WDPCP: variants seen among roughly 807,000 people sequenced by gnomAD.
WDPCP encodes WD repeat-containing and planar cell polarity effector protein fritz homolog.
WDPCP carries 71 observed loss-of-function variants against 93.1 expected under a neutral mutation model. That is an observed-to-expected ratio of 0.76 (90% CI 0.63 to 0.93). The LOEUF (loss-of-function observed/expected upper bound fraction) is 0.93, where lower values mean the gene tolerates loss of function less well. WDPCP is among the 40% of genes least tolerant of loss of function. WDPCP has a pLI of 0.00. For missense variants in WDPCP, 844 were observed against 887.4 expected (o/e 0.95, Z 0.62); for synonymous variants, 315 against 315.0 (o/e 1.00, Z 0.00).
intron 2 of WDPCP, among the ~76,000 whole-genome samples, chr2:63,782,035 T>C (rs1334896279): frequency 2.0e-5 from 3 of 152,146 alleles, no homozygotes; most frequent in East Asian, 3.9e-4. Context: ...CTCTTTTCAG[T>C]GTTCATCCTT....
At chr2:63,537,888 C>A (rs1218797610) in intron 1 of WDPCP, among the ~76,000 whole-genome samples, 1 of 152,156 alleles carries the variant, frequency 6.6e-6, no homozygotes, top group Admixed American at 6.5e-5. Flanking sequence ...TACCCAGGTT[C>A]TTAAACATAG....
chr2:63,600,492 A>G (rs1422102505), intron 3 of WDPCP, among the ~76,000 whole-genome samples: 1 of 152,228 alleles, frequency 6.6e-6, no homozygotes, highest in Non-Finnish European at 1.5e-5. Flanking sequence ...GATTTTGAGA[A>G]AGTATATTCA....
intron 10 of WDPCP, among the ~76,000 whole-genome samples, chr2:63,402,972 T>C (rs569554924): frequency 1.3e-5 from 2 of 152,324 alleles, no homozygotes; most frequent in African/African-American, 2.4e-5. Flanking sequence ...TAAAGATACA[T>C]GCACACAAAT....
At chr2:63,167,251 A>G (rs950237934) in intron 15 of WDPCP, among the ~76,000 whole-genome samples, 6 of 152,220 alleles carry the variant, frequency 3.9e-5, no homozygotes, top group African/African-American at 1.4e-4. Context: ...ATTTAGGAAA[A>G]AAGTTTGCCA....
At chr2:63,759,602 G>T (rs1156265888) in intron 2 of WDPCP, among the ~76,000 whole-genome samples, 1 of 152,158 alleles carries the variant, frequency 6.6e-6, no homozygotes, top group African/African-American at 2.4e-5. Flanking sequence ...GCCATTTAAT[G>T]TTATGTTCAT....
At chr2:63,715,091 T>C (rs747270087) in intron 2 of WDPCP, among the ~76,000 whole-genome samples, 1 of 152,204 alleles carries the variant, frequency 6.6e-6, no homozygotes, top group Non-Finnish European at 1.5e-5. Context: ...ATATGAAATA[T>C]CCCGAATAGG....
chr2:63,405,692 G>C (rs1694523547), intron 9 of WDPCP, among the ~76,000 whole-genome samples: 1 of 151,852 alleles, frequency 6.6e-6, no homozygotes, highest in Admixed American at 6.6e-5. Context: ...CTTTGGTATA[G>C]AAAGGAAAGG....
intron 14 of WDPCP, among the ~76,000 whole-genome samples, chr2:63,255,948 A>AAAAAG (rs1358729404): frequency 1.3e-5 from 2 of 152,212 alleles, no homozygotes; most frequent in African/African-American, 4.8e-5. Flanking sequence ...TACAAAGGAG[A>AAAAAG]AAAAGAAATA....
intron 17 of WDPCP, among the ~76,000 whole-genome samples, chr2:63,139,612 T>C (rs763074564): frequency 2.0e-5 from 3 of 152,232 alleles, no homozygotes. Flanking sequence ...GCCATTTGTA[T>C]ATGTTCTTTT....
chr2:63,390,569 T>G (rs571910520), intron 10 of WDPCP, among the ~76,000 whole-genome samples: 1 of 151,980 alleles, frequency 6.6e-6, no homozygotes, highest in Non-Finnish European at 1.5e-5. Context: ...CTGAAAGAGA[T>G]AGAGACACAA....
intron 3 of WDPCP, chr2:63,622,363 T>C (rs1709751422): frequency 1.2e-6 from 2 of 1,602,334 alleles, no homozygotes; most frequent in Non-Finnish European, 1.7e-6. Flanking sequence ...TTCATAGTCT[T>C]GGTCACGTTG....
At chr2:63,678,270 G>C (rs949141864) in intron 2 of WDPCP, among the ~76,000 whole-genome samples, 1 of 152,156 alleles carries the variant, frequency 6.6e-6, no homozygotes, top group African/African-American at 2.4e-5. Context: ...AGGAAGAAAA[G>C]GGAAGAGCAA....
At chr2:63,159,043 C>A (rs1672471453) in intron 15 of WDPCP, among the ~76,000 whole-genome samples, 1 of 149,788 alleles carries the variant, frequency 6.7e-6, no homozygotes, top group South Asian at 2.1e-4. Context: ...GTAGTCCCAG[C>A]TCTTTGGGTG....
intron 3 of WDPCP, among the ~76,000 whole-genome samples, chr2:63,607,764 A>G (rs1709567000): frequency 6.9e-6 from 1 of 144,758 alleles, no homozygotes; most frequent in Admixed American, 7.1e-5. Flanking sequence ...CGGGAGGCGG[A>G]GCTTGCTGTG....
intron 2 of WDPCP, among the ~76,000 whole-genome samples, chr2:63,679,845 A>AT (rs1483417794): frequency 6.6e-6 from 1 of 151,878 alleles, no homozygotes; most frequent in African/African-American, 2.4e-5. Context: ...CCTTTAATCA[A>AT]TTTTTTCCCT....
intron 13 of WDPCP, among the ~76,000 whole-genome samples, chr2:63,272,820 T>G (rs1301031933): frequency 6.6e-6 from 1 of 152,210 alleles, no homozygotes; most frequent in Non-Finnish European, 1.5e-5. Context: ...GGCAAAGGTA[T>G]AGAAAACCTA....
chr2:63,581,121 A>G (rs1322213366), intron 1 of WDPCP, among the ~76,000 whole-genome samples: 1 of 152,236 alleles, frequency 6.6e-6, no homozygotes, highest in African/African-American at 2.4e-5. Context: ...ACCAAAAAGT[A>G]GGAACTAAAA....
intron 2 of WDPCP, among the ~76,000 whole-genome samples, chr2:63,767,947 C>A (rs1670170113): frequency 6.6e-6 from 1 of 151,964 alleles, no homozygotes; most frequent in African/African-American, 2.4e-5. Context: ...TTTTTCCTTA[C>A]AGAAGTTTTA....
At chr2:63,601,089 A>G (rs975142649) in intron 3 of WDPCP, among the ~76,000 whole-genome samples, 2 of 152,196 alleles carry the variant, frequency 1.3e-5, no homozygotes, top group Non-Finnish European at 2.9e-5. Flanking sequence ...AGAAAGTGCT[A>G]TCTCCTCAGA....
Sources: gnomAD v4.1 joint callset for allele counts (sites outside exome capture counted in the v4.1 genomes callset) on GRCh38, gnomAD v4.1.1 for gene constraint, MANE v1.5 for transcripts, NCBI Gene and HGNC (gene_info 2026-07-23, HGNC 2026-07-21) for gene names.